The following AGBL4 variants were observed in gnomAD, a reference collection of about 807,000 sequenced individuals.
AGBL4 encodes AGBL carboxypeptidase 4.
Under a neutral mutation model 66.4 loss-of-function variants are expected in AGBL4, and 58 were observed. The ratio of observed to expected loss-of-function variants is 0.87; its 90% CI spans 0.71 to 1.09. The LOEUF is 1.09. Ranked by LOEUF, AGBL4 falls within the 50% of genes least tolerant of loss-of-function variation. The pLI is 0.00. For missense variants in AGBL4, 579 were observed against 631.0 expected (o/e 0.92, Z 0.88); for synonymous variants, 234 against 222.9 (o/e 1.05, Z -0.44).
chr1:48,808,277 A>G (rs926017791), intron 6 of AGBL4, among the ~76,000 whole-genome samples: 1 of 152,202 alleles, frequency 6.6e-6, no homozygotes, highest in Non-Finnish European at 1.5e-5. Flanking sequence ...TTTACTGTAC[A>G]TTTACTGTGT....
intron 3 of AGBL4, among the ~76,000 whole-genome samples, chr1:49,662,549 C>A (rs998848506): frequency 1.3e-5 from 2 of 152,064 alleles, no homozygotes; most frequent in Non-Finnish European, 2.9e-5. Flanking sequence ...TGCTGTGCCA[C>A]CTGAAATAGC....
rs181658463 is a variant in AGBL4, at chr1:49,325,046, G to A, written c.283-79182C>T. Among the ~76,000 whole-genome samples the A allele has an allele frequency of 4.6e-5, 7 of 151,708 alleles. No individual in the cohort carries two copies. In the East Asian group the frequency reaches 7.8e-4, roughly 17 times the overall value. ...TCACTTTCTTCTTTTTTTTTGAGAC[G>A]GAGTCTCGCTCTGTCACCCAGGCTG... On this transcript the variant is annotated intron_variant, in intron 3 of 13. Coordinates refer to ENST00000371839, the MANE Select transcript of AGBL4 (RefSeq NM_032785.4).
At chr1:49,291,158 C>A (rs1456077551) in intron 3 of AGBL4, among the ~76,000 whole-genome samples, 1 of 152,176 alleles carries the variant, frequency 6.6e-6, no homozygotes, top group African/African-American at 2.4e-5. Context: ...CAAGGGATGA[C>A]TGTATATTTA....
rs145978815 is a variant in AGBL4 at position 49,431,494 on chromosome 1, T to C, written c.283-185630A>G. Among the ~76,000 whole-genome samples, 208 of 152,310 alleles carry C rather than the reference T, an allele frequency of 1.4e-3. 1 individual carries two copies. Among genetic ancestry groups the C allele is most frequent in the Middle Eastern group, 6.8e-3 (2 of 294 alleles). On this transcript the variant is annotated intron_variant, in intron 3 of 13. Transcript: ENST00000371839. Reference sequence around the variant, plus strand: ...GTGTCAGTGGAAAGACAAACGCTGGTGTCCTGTTTTTTTAAAAGCATATTA... The same window carrying C: ...GTGTCAGTGGAAAGACAAACGCTGGCGTCCTGTTTTTTTAAAAGCATATTA...
intron 1 of AGBL4, among the ~76,000 whole-genome samples, chr1:49,899,800 G>T (rs1247645487): frequency 1.3e-5 from 2 of 152,112 alleles, no homozygotes; most frequent in African/African-American, 4.8e-5. Flanking sequence ...CAGCACTTTG[G>T]GAGGCCGAGG....
intron 1 of AGBL4, among the ~76,000 whole-genome samples, chr1:49,851,867 A>G (rs1244442492): frequency 6.6e-6 from 1 of 152,130 alleles, no homozygotes; most frequent in Non-Finnish European, 1.5e-5. Context: ...AATCCAAGAG[A>G]TATTCATTAA....
intron 4 of AGBL4, among the ~76,000 whole-genome samples, chr1:49,123,195 G>A (rs544916299): frequency 2.6e-5 from 4 of 152,034 alleles, no homozygotes; most frequent in Non-Finnish European, 4.4e-5. Flanking sequence ...TGTTATTATA[G>A]TATCGTATTA....
intron 3 of AGBL4, among the ~76,000 whole-genome samples, chr1:49,682,275 A>C (rs1646709384): frequency 6.6e-6 from 1 of 152,066 alleles, no homozygotes; most frequent in Non-Finnish European, 1.5e-5. Flanking sequence ...GTGTGGTGGC[A>C]CACGCTTGTA....
chr1:49,884,559 T>C (rs138956186), intron 1 of AGBL4, among the ~76,000 whole-genome samples: 4 of 151,994 alleles, frequency 2.6e-5, no homozygotes, highest in African/African-American at 9.6e-5. Context: ...CTGAATACTG[T>C]AGCATCCAGT....
At chr1:49,468,763 C>T (rs1049487546) in intron 3 of AGBL4, among the ~76,000 whole-genome samples, 2 of 151,830 alleles carry the variant, frequency 1.3e-5, no homozygotes, top group African/African-American at 4.8e-5. Flanking sequence ...TTGTTTTATG[C>T]ATTTTTTGCA....
chr1:49,064,426 G>C (rs1215206660), intron 4 of AGBL4, among the ~76,000 whole-genome samples: 1 of 152,106 alleles, frequency 6.6e-6, no homozygotes. Flanking sequence ...AATAATGAAA[G>C]ACTTTGTGTT....
intron 3 of AGBL4, among the ~76,000 whole-genome samples, chr1:49,461,724 G>A (rs35338099): frequency 0.088 from 13,144 of 150,048 alleles, 874 homozygotes; most frequent in East Asian, 0.3. Flanking sequence ...GCGGTGTTTG[G>A]TTTTCTCTTC....
At chr1:49,810,246 T>C (rs1306473152) in intron 2 of AGBL4, among the ~76,000 whole-genome samples, 1 of 152,100 alleles carries the variant, frequency 6.6e-6, no homozygotes, top group Non-Finnish European at 1.5e-5. Context: ...AGTGCCCTTA[T>C]ATCTATAACT....
chr1:48,982,470 G>A (rs1659855580), intron 5 of AGBL4, among the ~76,000 whole-genome samples: 1 of 152,008 alleles, frequency 6.6e-6, no homozygotes, highest in Admixed American at 6.6e-5. Flanking sequence ...CCTTGTGATA[G>A]TTTGCTGAGA....
At chr1:49,014,115 C>T (rs1662647178) in intron 5 of AGBL4, among the ~76,000 whole-genome samples, 1 of 152,140 alleles carries the variant, frequency 6.6e-6, no homozygotes, top group African/African-American at 2.4e-5. Context: ...TCCGTTCTTC[C>T]CCCTTCTCTC....
rs142120145 is a variant in AGBL4, at chr1:48,916,514, A to G, written c.595-49284T>C. On this transcript the variant is annotated intron_variant, in intron 5 of 13. Transcript: ENST00000371839. ...ATTTCTAATTTGCTTATTTCAGTTA[A>G]ATTTCCTGTAGTTCCGTTTTTTGTG... 1.1e-4 allele frequency among the ~76,000 whole-genome samples: 16 copies of G among 152,126 alleles called. No homozygotes were observed. In the East Asian group the frequency reaches 3.1e-3, roughly 29 times the overall value.
intron 3 of AGBL4, among the ~76,000 whole-genome samples, chr1:49,492,881 T>A (rs184877578): frequency 6.6e-6 from 1 of 151,958 alleles, no homozygotes; most frequent in South Asian, 2.1e-4. Flanking sequence ...GGGTAATTGA[T>A]AAAGGAAAGA....
chr1:48,743,847 A>G (rs1650311209), intron 6 of AGBL4, among the ~76,000 whole-genome samples: 1 of 152,186 alleles, frequency 6.6e-6, no homozygotes, highest in Non-Finnish European at 1.5e-5. Flanking sequence ...GTCCTGGTGA[A>G]TTTGTTACTA....
chr1:49,754,278 TA>T (rs1176832953), intron 2 of AGBL4, among the ~76,000 whole-genome samples: 13 of 149,062 alleles, frequency 8.7e-5, no homozygotes, highest in African/African-American at 3.3e-4. Flanking sequence ...TTTTTTTTTT[TA>T]TTTTTTTATT....
Sources: allele counts gnomAD v4.1 joint callset (sites outside exome capture counted in the v4.1 genomes callset), GRCh38; gene constraint gnomAD v4.1.1; transcripts MANE v1.5; gene names NCBI Gene and HGNC (gene_info 2026-07-23, HGNC 2026-07-21).